MTMR3: variants seen among roughly 807,000 people sequenced by gnomAD.
MTMR3 encodes the protein myotubularin related protein 3.
In MTMR3, 32 loss-of-function variants were observed where a neutral mutation model predicts 132.4. The observed-to-expected ratio is 0.24, with a 90% CI of 0.18 to 0.32. The LOEUF is 0.32. Ranked by LOEUF, MTMR3 falls within the 10% of genes least tolerant of loss-of-function variation. The pLI is 1.00. For synonymous variants in MTMR3, 556 were observed against 550.3 expected (o/e 1.01, Z -0.14); for missense variants, 1,216 against 1,489.6 (o/e 0.82, Z 3.02).
At chr22:29,953,946 CTT>C (rs1417941590) in intron 1 of MTMR3, among the ~76,000 whole-genome samples, 5 of 151,288 alleles carry the variant, frequency 3.3e-5, no homozygotes, top group Non-Finnish European at 7.4e-5. Flanking sequence ...CATAACTACT[CTT>C]ATTCCTTAAG....
intron 9 of MTMR3, chr22:30,006,305 C>T (rs2067272788): frequency 6.6e-6 from 1 of 152,106 alleles, no homozygotes; most frequent in Non-Finnish European, 1.5e-5. Context: ...TCTTAAGAGC[C>T]CTAGGAAGGG....
chr22:29,919,183 T>A (rs1039048003), intron 1 of MTMR3, among the ~76,000 whole-genome samples: 1 of 152,226 alleles, frequency 6.6e-6, no homozygotes, highest in Non-Finnish European at 1.5e-5. Context: ...TTAAGTTACC[T>A]CGTTTTTTGC....
intron 14 of MTMR3, chr22:30,016,051 C>T (rs1390969878): frequency 5.8e-6 from 1 of 172,214 alleles, no homozygotes; most frequent in Non-Finnish European, 1.3e-5. Flanking sequence ...ACTGGTCACT[C>T]TTCAGCTATG....
chr22:29,923,285 G>A (rs537351628), intron 1 of MTMR3, among the ~76,000 whole-genome samples: 1 of 151,184 alleles, frequency 6.6e-6, no homozygotes, highest in African/African-American at 2.4e-5. Context: ...TGTTAGCCAG[G>A]ATGGTCTCAA....
chr22:29,933,527 G>C (rs2065686763), intron 1 of MTMR3, among the ~76,000 whole-genome samples: 1 of 152,046 alleles, frequency 6.6e-6, no homozygotes, highest in South Asian at 2.1e-4. Context: ...TTTACTATCG[G>C]TCAAGTTATT....
intron 9 of MTMR3, 153 bp downstream of exon 9, chr22:30,003,146 TC>T: frequency 1.7e-6 from 1 of 594,996 alleles, no homozygotes; most frequent in Non-Finnish European, 3.0e-6. Flanking sequence ...AAGCTTCTCC[TC>T]CAGTAACACA....
At chr22:29,905,547 A>G (rs1306233067) in intron 1 of MTMR3, among the ~76,000 whole-genome samples, 1 of 152,220 alleles carries the variant, frequency 6.6e-6, no homozygotes, top group Non-Finnish European at 1.5e-5. Context: ...ATTCAGAAGT[A>G]TAAGTTACAG....
rs915276448 is a variant in MTMR3, at chr22:30,019,559, G to C, written c.1900G>C (p.Asp634His). 1.2e-6 allele frequency: 2 copies of C among 1,613,532 alleles called. No individual in the cohort carries two copies. Among genetic ancestry groups the C allele is most frequent in the Admixed American group, 1.7e-5 (1 of 60,030 alleles). The change falls in exon 17 of 20, where the codon GAC (aspartate) becomes CAC (histidine). Residue 634 changes from aspartate to histidine, a missense_variant. Around this residue, in one of 7 missense-constraint regions of MTMR3, gnomAD observed 852 missense variants for 852.0 expected, o/e 1.00. Transcript: ENST00000401950. The stretch of plus-strand genomic sequence containing the variant: ...GCCTCTGGCCAGCCGGCGCTGCAGC[G>C]ACCCCAGCCTGAACGAGAAGTGGCA... ...TVPLASRRCS[D>H]PSLNEKWQEH...
At chr22:29,954,852 A>G (rs2066157331) in intron 1 of MTMR3, among the ~76,000 whole-genome samples, 1 of 152,192 alleles carries the variant, frequency 6.6e-6, no homozygotes, top group South Asian at 2.1e-4. Flanking sequence ...CCAGCATATC[A>G]TAGCTCGATA....
intron 3 of MTMR3, among the ~76,000 whole-genome samples, chr22:29,973,449 A>ATTG (rs1486080287): frequency 3.9e-5 from 6 of 152,142 alleles, no homozygotes; most frequent in Non-Finnish European, 8.8e-5. Flanking sequence ...AGGGAAATGT[A>ATTG]TTGTTTGTCT....
chr22:29,979,180 A>G, intron 5 of MTMR3, 128 bp downstream of exon 5: 1 of 678,842 alleles, frequency 1.5e-6, no homozygotes, highest in Non-Finnish European at 2.5e-6. Flanking sequence ...TGCTTTTCTC[A>G]CTTAATTTAG....
intron 1 of MTMR3, among the ~76,000 whole-genome samples, chr22:29,905,617 G>A (rs1376867032): frequency 6.6e-6 from 1 of 151,330 alleles, no homozygotes; most frequent in African/African-American, 2.5e-5. Context: ...TTGATGTAAG[G>A]TAATGTTCTT....
intron 1 of MTMR3, among the ~76,000 whole-genome samples, chr22:29,906,310 A>T (rs11090587): frequency 9.0e-6 from 1 of 111,168 alleles, no homozygotes; most frequent in African/African-American, 2.9e-5. Flanking sequence ...CTATCTATCT[A>T]TCTATCTATC....
intron 1 of MTMR3, among the ~76,000 whole-genome samples, chr22:29,945,712 G>GAAAAAAAAAAAAAAAAAAAAA (rs1238843477): frequency 1.8e-4 from 14 of 78,088 alleles, no homozygotes; most frequent in African/African-American, 9.0e-4. Flanking sequence ...TCTTTAAAAT[G>GAAAAAAAAAAAAAAAAAAAAA]AAAAAGAAAA....
intron 1 of MTMR3, among the ~76,000 whole-genome samples, chr22:29,896,759 A>AATACTGCCAT (rs2064904905): frequency 6.6e-6 from 1 of 152,162 alleles, no homozygotes. Context: ...GTATTCCAGT[A>AATACTGCCAT]TTAAATGGCA....
chr22:29,899,308 C>T (rs1473131674), intron 1 of MTMR3, among the ~76,000 whole-genome samples: 2 of 152,142 alleles, frequency 1.3e-5, no homozygotes, highest in Admixed American at 6.5e-5. Context: ...CCACCTTGGC[C>T]TCCCAGAGTG....
chr22:29,942,980 G>C (rs1276661191), intron 1 of MTMR3, among the ~76,000 whole-genome samples: 1 of 152,126 alleles, frequency 6.6e-6, no homozygotes, highest in Non-Finnish European at 1.5e-5. Flanking sequence ...AATCACAAGG[G>C]TATTGGTTGG....
chr22:29,948,226 G>T (rs1290393503), intron 1 of MTMR3, among the ~76,000 whole-genome samples: 1 of 152,144 alleles, frequency 6.6e-6, no homozygotes, highest in Non-Finnish European at 1.5e-5. Context: ...CCTTTTCATT[G>T]TTGAGTTGTA....
intron 14 of MTMR3, chr22:30,015,160 C>T (rs2067547295): frequency 6.6e-6 from 1 of 152,208 alleles, no homozygotes; most frequent in Admixed American, 6.6e-5. Context: ...GATCTTCTCA[C>T]CTTAGCCCCC....
Sources: allele counts gnomAD v4.1 joint callset (sites outside exome capture counted in the v4.1 genomes callset), GRCh38; gene constraint gnomAD v4.1.1; regional missense constraint gnomAD v4.1.1; transcripts MANE v1.5; gene names NCBI Gene and HGNC (gene_info 2026-07-23, HGNC 2026-07-21).